The following ADAMTS17 variants were observed in gnomAD, a reference collection of about 807,000 sequenced individuals.
ADAMTS17 encodes A disintegrin and metalloproteinase with thrombospondin motifs 17.
In ADAMTS17, 113 loss-of-function variants were observed where a neutral mutation model predicts 141.5. The observed-to-expected ratio is 0.80, with a 90% CI of 0.69 to 0.93. The LOEUF is 0.93. Among genes scored for constraint, ADAMTS17 ranks in the 40% least tolerant of loss-of-function variants. ADAMTS17 has a pLI of 0.00. For synonymous variants in ADAMTS17, 768 were observed against 630.6 expected (o/e 1.22, Z -3.27); for missense variants, 1,659 against 1,517.9 (o/e 1.09, Z -1.54).
At chr15:100,303,063 C>T (rs1339863969) in intron 3 of ADAMTS17, among the ~76,000 whole-genome samples, 1 of 149,448 alleles carries the variant, frequency 6.7e-6, no homozygotes, top group African/African-American at 2.5e-5. Context: ...ACCTTATGAT[C>T]ATGTGAGTTA....
intron 7 of ADAMTS17, among the ~76,000 whole-genome samples, chr15:100,214,181 G>A (rs1330168637): frequency 2.0e-5 from 3 of 152,040 alleles, no homozygotes; most frequent in African/African-American, 7.2e-5. Context: ...CAACCCCACC[G>A]TCTCCCCCTT....
At chr15:100,068,472 C>A (rs1006555618) in intron 15 of ADAMTS17, among the ~76,000 whole-genome samples, 1 of 152,188 alleles carries the variant, frequency 6.6e-6, no homozygotes. Context: ...GGTCCCTGAC[C>A]CCTGAGTAGC....
intron 3 of ADAMTS17, chr15:100,306,294 T>C (rs973278394): frequency 1.5e-4 from 54 of 359,520 alleles, no homozygotes; most frequent in Non-Finnish European, 2.8e-4. Context: ...CAGAGTACCT[T>C]CAGAGTGATG....
At chr15:100,012,136 A>G (rs2061197579) in intron 18 of ADAMTS17, among the ~76,000 whole-genome samples, 1 of 152,130 alleles carries the variant, frequency 6.6e-6, no homozygotes, top group South Asian at 2.1e-4. Flanking sequence ...CATTTCCCTG[A>G]TCATTAGTGA....
At chr15:100,084,834 C>A (rs1352721266) in intron 15 of ADAMTS17, among the ~76,000 whole-genome samples, 4 of 152,176 alleles carry the variant, frequency 2.6e-5, no homozygotes, top group African/African-American at 9.7e-5. Flanking sequence ...ACACCAAAAA[C>A]CCATCTGTAC....
intron 8 of ADAMTS17, among the ~76,000 whole-genome samples, chr15:100,194,897 G>T (rs2041052715): frequency 6.6e-6 from 1 of 152,190 alleles, no homozygotes; most frequent in Non-Finnish European, 1.5e-5. Flanking sequence ...CTTCCCATGT[G>T]CAGGGGCTGC....
At chr15:99,987,454 TTGTC>T (rs1322815855) in intron 20 of ADAMTS17, among the ~76,000 whole-genome samples, 3 of 152,146 alleles carry the variant, frequency 2.0e-5, no homozygotes, top group Non-Finnish European at 4.4e-5. Flanking sequence ...TTTGGGCACT[TTGTC>T]TGCTGCCTTC....
chr15:100,118,360 A>T (rs1046187005), intron 12 of ADAMTS17, among the ~76,000 whole-genome samples: 24 of 152,314 alleles, frequency 1.6e-4, no homozygotes, highest in African/African-American at 5.3e-4. Context: ...TCCTGAGGAG[A>T]AAGGCCCCTT....
intron 18 of ADAMTS17, among the ~76,000 whole-genome samples, chr15:100,007,806 G>A (rs946828676): frequency 3.3e-5 from 5 of 152,090 alleles, no homozygotes; most frequent in Non-Finnish European, 7.3e-5. Flanking sequence ...CGGTCAGGTT[G>A]GAGACATAGG....
chr15:100,193,554 C>T (rs114058419), intron 8 of ADAMTS17, among the ~76,000 whole-genome samples: 1,606 of 152,294 alleles, frequency 0.011, 25 homozygotes, highest in African/African-American at 0.036. Flanking sequence ...TTGCGTCTTC[C>T]GCGGTTCTCC....
chr15:100,190,102 C>A (rs547718354), intron 8 of ADAMTS17, among the ~76,000 whole-genome samples: 1 of 152,360 alleles, frequency 6.6e-6, no homozygotes, highest in Non-Finnish European at 1.5e-5. Context: ...CTCTGCTTAA[C>A]AAGAGGATGC....
chr15:100,096,313 A>G (rs2035752760), intron 15 of ADAMTS17, 43 bp downstream of exon 15: 1 of 1,610,250 alleles, frequency 6.2e-7, no homozygotes, highest in Non-Finnish European at 8.5e-7. Flanking sequence ...GGCAAAGGAC[A>G]CAAAACACTG....
intron 8 of ADAMTS17, among the ~76,000 whole-genome samples, chr15:100,188,147 G>A (rs1596226755): frequency 6.6e-6 from 1 of 151,948 alleles, no homozygotes; most frequent in Non-Finnish European, 1.5e-5. Flanking sequence ...CGTGATTTCG[G>A]CTCACTGTAA....
At chr15:99,983,168 C>G (rs1048647914) in intron 20 of ADAMTS17, among the ~76,000 whole-genome samples, 1 of 152,170 alleles carries the variant, frequency 6.6e-6, no homozygotes, top group Admixed American at 6.5e-5. Context: ...CAGTCACCGT[C>G]GCAGCAGGGC....
chr15:100,321,505 G>A (rs981450656), intron 3 of ADAMTS17, among the ~76,000 whole-genome samples: 3 of 152,138 alleles, frequency 2.0e-5, no homozygotes, highest in Non-Finnish European at 1.5e-5. Context: ...AAAACTAAGG[G>A]AAAAGAAACA....
intron 10 of ADAMTS17, among the ~76,000 whole-genome samples, chr15:100,134,594 G>A (rs2141252922): frequency 6.6e-6 from 1 of 152,302 alleles, no homozygotes; most frequent in Non-Finnish European, 1.5e-5. Flanking sequence ...CAGTTTAGAG[G>A]TCTGCTCTTC....
At chr15:100,066,327 T>C (rs915347056) in intron 15 of ADAMTS17, among the ~76,000 whole-genome samples, 1 of 152,192 alleles carries the variant, frequency 6.6e-6, no homozygotes, top group African/African-American at 2.4e-5. Context: ...GAACTCAGAG[T>C]TGAACTGTGA....
At chr15:100,046,239 T>C (rs2031673619) in intron 18 of ADAMTS17, among the ~76,000 whole-genome samples, 1 of 152,196 alleles carries the variant, frequency 6.6e-6, no homozygotes, top group Admixed American at 6.5e-5. Flanking sequence ...TTAATTGTTA[T>C]CTGTAGGAGG....
chr15:100,325,774 G>C (rs1226018067), intron 3 of ADAMTS17, among the ~76,000 whole-genome samples: 1 of 152,190 alleles, frequency 6.6e-6, no homozygotes, highest in Non-Finnish European at 1.5e-5. Context: ...AGACGCTGCA[G>C]AACTCTGAGC....
Sources: gnomAD v4.1 joint callset for allele counts (sites outside exome capture counted in the v4.1 genomes callset) on GRCh38, gnomAD v4.1.1 for gene constraint, MANE v1.5 for transcripts, NCBI Gene and HGNC (gene_info 2026-07-23, HGNC 2026-07-21) for gene names.